The following PARD3 variants were observed in gnomAD, a reference collection of about 807,000 sequenced individuals.
The protein encoded by PARD3 is par-3 family cell polarity regulator, also known as partitioning defective 3 homolog.
In PARD3, 75 loss-of-function variants were observed where a neutral mutation model predicts 155.4. The observed-to-expected ratio is 0.48, with a 90% CI of 0.40 to 0.58. PARD3 has a LOEUF of 0.58. Among genes scored for constraint, PARD3 ranks in the 20% least tolerant of loss-of-function variants. The pLI, the probability that PARD3 is intolerant of heterozygous loss-of-function variation, is 0.00. For missense variants in PARD3, 1,642 were observed against 1,721.7 expected (o/e 0.95, Z 0.82); for synonymous variants, 576 against 610.5 (o/e 0.94, Z 0.83).
rs139714624 is a variant in PARD3 at position 34,544,248 on chromosome 10, GTTTA to G, written c.223-27093_223-27090del. Among the ~76,000 whole-genome samples the G allele has an allele frequency of 5.4e-3, 829 of 152,268 alleles. 7 individuals carry two copies. The highest frequency in any genetic ancestry group is 0.019 in the African/African-American group (788 of 41,554). On this transcript the variant is annotated intron_variant, in intron 2 of 24. Coordinates refer to ENST00000374788, the MANE Select transcript of PARD3 (RefSeq NM_001184785.2). Reference sequence around the variant, plus strand: ...AGTAGTGTCCACATTCAAGGAAAATGTTTATTTAACAACTTTCATTAAAATTAAG... The same window carrying G: ...AGTAGTGTCCACATTCAAGGAAAATGTTTAACAACTTTCATTAAAATTAAG...
At chr10:34,448,178 T>G (rs2076861529) in intron 5 of PARD3, among the ~76,000 whole-genome samples, 1 of 150,624 alleles carries the variant, frequency 6.6e-6, no homozygotes, top group South Asian at 2.1e-4. Flanking sequence ...CATAAATGTA[T>G]AAAATGGAAT....
intron 18 of PARD3, 22 bp from the exon 19 acceptor site, chr10:34,331,366 A>C: frequency 2.6e-6 from 4 of 1,539,028 alleles, no homozygotes; most frequent in Non-Finnish European, 3.6e-6. Flanking sequence ...ACAAGAAAAA[A>C]AATGTTAGTG....
chr10:34,729,950 C>G (rs79294962), intron 1 of PARD3, among the ~76,000 whole-genome samples: 2,310 of 152,218 alleles, frequency 0.015, 62 homozygotes, highest in African/African-American at 0.051. Flanking sequence ...CCTCCCTCCC[C>G]TAGAAATCAG....
intron 2 of PARD3, among the ~76,000 whole-genome samples, chr10:34,589,658 A>G (rs1186022781): frequency 7.8e-6 from 1 of 128,912 alleles, no homozygotes; most frequent in Non-Finnish European, 1.6e-5. Context: ...AAAAAAAAAA[A>G]CCAAGCATGT....
At chr10:34,198,972 G>C (rs938241272) in intron 22 of PARD3, among the ~76,000 whole-genome samples, 2 of 152,104 alleles carry the variant, frequency 1.3e-5, no homozygotes, top group African/African-American at 4.8e-5. Context: ...TGGACTCTCA[G>C]GTTAAAGGTC....
intron 5 of PARD3, among the ~76,000 whole-genome samples, chr10:34,403,973 C>T (rs1844171959): frequency 6.6e-6 from 1 of 152,124 alleles, no homozygotes; most frequent in Non-Finnish European, 1.5e-5. Flanking sequence ...CTTGAAACAC[C>T]TATGTTGCAC....
intron 2 of PARD3, among the ~76,000 whole-genome samples, chr10:34,575,916 G>T (rs2086850087): frequency 6.6e-6 from 1 of 151,900 alleles, no homozygotes; most frequent in African/African-American, 2.4e-5. Context: ...GAAAAAGAAA[G>T]AAAGAAAATC....
At chr10:34,291,055 T>C (rs1956652372) in intron 20 of PARD3, among the ~76,000 whole-genome samples, 1 of 152,250 alleles carries the variant, frequency 6.6e-6, no homozygotes, top group Non-Finnish European at 1.5e-5. Flanking sequence ...TTGATTCTTG[T>C]GCTTTTTCCA....
In PARD3 at chr10:34,357,807, A is replaced by G. The variant is rs77979565; in HGVS notation, c.2067+1340T>C. Among the ~76,000 whole-genome samples the G allele has an allele frequency of 3.0e-4, 46 of 152,316 alleles. No individual in the cohort carries two copies. The East Asian group carries it at 8.7e-3, about 29-fold the overall frequency. Reference sequence around the variant, plus strand: ...TGTTAACTCATTCTACATTTGGCAAATAAAAACAACAAAATAATTCAGTGG... The same window carrying G: ...TGTTAACTCATTCTACATTTGGCAAGTAAAAACAACAAAATAATTCAGTGG... On this transcript the variant is annotated intron_variant, in intron 14 of 24. Transcript: ENST00000374788.
intron 7 of PARD3, among the ~76,000 whole-genome samples, chr10:34,391,951 T>C (rs1462386572): frequency 6.6e-6 from 1 of 151,864 alleles, no homozygotes; most frequent in Non-Finnish European, 1.5e-5. Context: ...AGCTCAGGAG[T>C]TCCAGATCAG....
At chr10:34,549,495 T>G (rs58233043) in intron 2 of PARD3, among the ~76,000 whole-genome samples, 18 of 152,318 alleles carry the variant, frequency 1.2e-4, no homozygotes, top group African/African-American at 4.1e-4. Context: ...TTTTGTTTGT[T>G]TGTTTGTTTG....
At chr10:34,561,644 G>C (rs1421367379) in intron 2 of PARD3, among the ~76,000 whole-genome samples, 2 of 151,802 alleles carry the variant, frequency 1.3e-5, no homozygotes, top group Admixed American at 1.3e-4. Flanking sequence ...TTAGCCTCCC[G>C]AGTAGCTGGG....
At chr10:34,278,592 G>T (rs1031145430) in intron 21 of PARD3, among the ~76,000 whole-genome samples, 1 of 151,966 alleles carries the variant, frequency 6.6e-6, no homozygotes, top group Non-Finnish European at 1.5e-5. Flanking sequence ...AAAATCTGAT[G>T]GTTTTATAAG....
intron 1 of PARD3, among the ~76,000 whole-genome samples, chr10:34,747,925 G>A (rs61843487): frequency 0.017 from 2,539 of 152,248 alleles, 34 homozygotes; most frequent in Non-Finnish European, 0.027. Context: ...CACTGGTCCA[G>A]GCTCCCCTTG....
intron 1 of PARD3, among the ~76,000 whole-genome samples, chr10:34,737,434 G>A (rs182195315): frequency 3.3e-5 from 5 of 152,286 alleles, no homozygotes; most frequent in Admixed American, 2.0e-4. Context: ...TAAGAAAGAC[G>A]TCTGCCCAAC....
intron 2 of PARD3, among the ~76,000 whole-genome samples, chr10:34,521,213 T>C (rs922003016): frequency 2.0e-5 from 3 of 152,150 alleles, no homozygotes; most frequent in African/African-American, 7.2e-5. Context: ...CAGTTGGTGA[T>C]TTGCAATATG....
At chr10:34,274,864 CTCTTT>C (rs1431951841) in intron 21 of PARD3, among the ~76,000 whole-genome samples, 4 of 152,178 alleles carry the variant, frequency 2.6e-5, no homozygotes, top group African/African-American at 9.7e-5. Flanking sequence ...TAGGAACACA[CTCTTT>C]TCAAGGGAGG....
intron 3 of PARD3, among the ~76,000 whole-genome samples, chr10:34,473,544 AT>A (rs2078503390): frequency 2.0e-5 from 3 of 146,502 alleles, no homozygotes; most frequent in South Asian, 4.3e-4. Flanking sequence ...AAAAAAAAAA[AT>A]AGACAACTGT....
intron 3 of PARD3, among the ~76,000 whole-genome samples, chr10:34,506,681 T>C (rs1414632360): frequency 2.6e-5 from 4 of 152,222 alleles, no homozygotes; most frequent in Admixed American, 2.6e-4. Flanking sequence ...GAAAACCTAA[T>C]ATTACTTATG....
Sources: gnomAD v4.1 joint callset for allele counts (sites outside exome capture counted in the v4.1 genomes callset) on GRCh38, gnomAD v4.1.1 for gene constraint, MANE v1.5 for transcripts, NCBI Gene and HGNC (gene_info 2026-07-23, HGNC 2026-07-21) for gene names.